Variants in ZNF250 observed in about 807,000 individuals in gnomAD.
The protein encoded by ZNF250 is zinc finger protein (clone 647).
Under a neutral mutation model 37.1 loss-of-function variants are expected in ZNF250, and 13 were observed. The ratio of observed to expected loss-of-function variants is 0.35; its 90% confidence interval spans 0.23 to 0.56. ZNF250 has a LOEUF of 0.56. Ranked by LOEUF, ZNF250 falls within the 20% of genes least tolerant of loss-of-function variation. The probability of loss-of-function intolerance (pLI) is 0.87; values close to 1 mark genes in which losing one functional copy is unlikely to be tolerated. For synonymous variants in ZNF250, 251 were observed against 265.6 expected (o/e 0.94, Z 0.54); for missense variants, 474 against 697.9 (o/e 0.68, Z 3.61).
chr8:144,892,862 A>ATT (rs34744587), intron 1 of ZNF250, among the ~76,000 whole-genome samples: 37,140 of 135,064 alleles, frequency 0.27, 6,033 homozygotes, highest in South Asian at 0.44. Flanking sequence ...CCAGCCACCA[A>ATT]TTTTTTTTTT....
At position 144,901,104 on chromosome 8, in the gene ZNF250, G is replaced by A. The variant is rs1305910183; in HGVS notation, c.-55+295C>T. Among the ~76,000 whole-genome samples, 1 of 152,114 alleles carries A rather than the reference G, an allele frequency of 6.6e-6. No individual in the cohort carries two copies. Among genetic ancestry groups the A allele is most frequent in the African/African-American group, 2.4e-5 (1 of 41,434 alleles). Reference sequence around the variant, plus strand: ...ACGCCGGTCTGACGGGGCCCAAGGGGGTAGGGGCGGGGAAGGGACCGAGGC... The same window carrying A: ...ACGCCGGTCTGACGGGGCCCAAGGGAGTAGGGGCGGGGAAGGGACCGAGGC... On this transcript the variant is annotated intron_variant, in intron 1 of 5. Coordinates refer to ENST00000417550, the MANE Select transcript of ZNF250 (RefSeq NM_001109689.4). The surrounding 1 kb of genome is among the most constrained non-coding windows in gnomAD (Gnocchi z 5.4).
rs753212619 is a variant in ZNF250 at position 144,890,092 on chromosome 8, A to G, written c.43-33T>C. 1 of 1,604,284 alleles carries G rather than the reference A, an allele frequency of 6.2e-7. No homozygotes were observed. Among genetic ancestry groups the G allele is most frequent in the Non-Finnish European group, 8.5e-7 (1 of 1,175,390 alleles). On this transcript the variant is annotated intron_variant, in intron 2 of 5. Transcript: ENST00000417550. The surrounding 1 kb of genome is among the most constrained non-coding windows in gnomAD (Gnocchi z 5.1). ...GACAGGGGCTGCTGCAGGTAAAACC[A>G]AATCCTGATGTCTGTGATGGGGAGT...
chr8:144,893,804 T>G (rs148323985), intron 1 of ZNF250, among the ~76,000 whole-genome samples: 50 of 152,314 alleles, frequency 3.3e-4, no homozygotes, highest in African/African-American at 1.1e-3. Flanking sequence ...CCAGTTCTCT[T>G]GACACAGGAG....
chr8:144,896,965 T>G (rs980652606), intron 1 of ZNF250, among the ~76,000 whole-genome samples: 1 of 152,186 alleles, frequency 6.6e-6, no homozygotes, highest in Non-Finnish European at 1.5e-5. Flanking sequence ...ATCTTGAAAA[T>G]TTCCCTAAGG....
In ZNF250 at chr8:144,890,322, G is replaced by T; in HGVS notation, c.28C>A (p.Pro10Thr). MAAARLLPV[P>T]AGPQAKLTFE... ...GGACAGCTTACCTGGGGTCCTGCCG[G>T]CACTGGCAGGAGTCTGGCTGCTGCC... Residue 10 changes from proline (P) to threonine (T), a missense_variant, in exon 2 of 6, where the codon CCG (proline) becomes ACG (threonine). This residue lies in a region of ZNF250 where 192 missense variants were observed against 227.5 expected (regional missense o/e 0.84). Coordinates refer to ENST00000417550, the MANE Select transcript of ZNF250 (RefSeq NM_001109689.4). The surrounding 1 kb of genome is among the most constrained non-coding windows in gnomAD (Gnocchi z 5.1). 6.6e-7 allele frequency: 1 copy of T among 1,513,150 alleles called. No individual in the cohort carries two copies. The highest frequency in any genetic ancestry group is 1.3e-5 in the South Asian group (1 of 75,748). The allele number at this position is 1,513,150 out of a possible 1,614,324, so 93.7% of individuals were successfully genotyped here.
At chr8:144,884,973 A>G (rs1352998800) in intron 5 of ZNF250, among the ~76,000 whole-genome samples, 1 of 152,150 alleles carries the variant, frequency 6.6e-6, no homozygotes, top group Non-Finnish European at 1.5e-5. Flanking sequence ...TTCCTAATCT[A>G]TGCAGAAATT....
rs1781580437 is a variant in ZNF250, at chr8:144,890,904, T to C, written c.-54-501A>G. Among the ~76,000 whole-genome samples the C allele has an allele frequency of 6.6e-6, 1 of 152,138 alleles. No individual in the cohort carries two copies. Among genetic ancestry groups the C allele is most frequent in the Non-Finnish European group, 1.5e-5 (1 of 68,026 alleles). On this transcript the variant is annotated intron_variant, in intron 1 of 5. Transcript: ENST00000417550. This position sits in a 1 kb window ranked among gnomAD's most constrained non-coding sequence, Gnocchi z 5.1. ...CCCTCACCCCACCCTTAGGCAGCCCTAGTGCCCCAATGTGGCACCAGGTTC... is the reference window on the plus strand; with the variant it reads ...CCCTCACCCCACCCTTAGGCAGCCCCAGTGCCCCAATGTGGCACCAGGTTC...
At chr8:144,883,340 T>A (rs1159507544) in intron 5 of ZNF250, among the ~76,000 whole-genome samples, 2 of 150,990 alleles carry the variant, frequency 1.3e-5, no homozygotes, top group Non-Finnish European at 2.9e-5. Flanking sequence ...GGAAAATAAT[T>A]TCTTTTTTTT....
Position 144,890,211 on chromosome 8 carries a change from T to TC in ZNF250, c.42+96_42+97insG. The TC allele has an allele frequency of 6.7e-7, 1 of 1,493,492 alleles. No individual in the cohort carries two copies. Among genetic ancestry groups the TC allele is most frequent in the South Asian group, 1.2e-5 (1 of 83,016 alleles). 92.5% of individuals were successfully genotyped at this position (1,493,492 alleles called of 1,614,324 possible). On this transcript the variant is annotated intron_variant, in intron 2 of 5. Coordinates refer to ENST00000417550, the MANE Select transcript of ZNF250 (RefSeq NM_001109689.4). This position sits in a 1 kb window ranked among gnomAD's most constrained non-coding sequence, Gnocchi z 5.1. ...AAGGGGCCGCGGAGTTCAGGGCATGTGGTGACGCTCTGGCTGCTCTTAGGA... is the reference window on the plus strand; with the variant it reads ...AAGGGGCCGCGGAGTTCAGGGCATGTCGGTGACGCTCTGGCTGCTCTTAGGA...
Position 144,901,274 on chromosome 8 carries a change from C to G in ZNF250, c.-55+125G>C, listed in dbSNP as rs1213502980. The G allele has an allele frequency of 6.6e-6, 1 of 152,320 alleles. No homozygotes were observed. The highest frequency in any genetic ancestry group is 1.5e-5 in the Non-Finnish European group (1 of 68,180). 9.4% of individuals were successfully genotyped at this position (152,320 alleles called of 1,614,324 possible). A position where few individuals can be genotyped will look rare whatever the true frequency, so the allele number is the denominator to read the frequency against. ...CGCGTCCGTGAGGGGAGGGGACCAGCGTAAACGCAGGAGGCAGTGCGTGCT... is the reference window on the plus strand; with the variant it reads ...CGCGTCCGTGAGGGGAGGGGACCAGGGTAAACGCAGGAGGCAGTGCGTGCT... On this transcript the variant is annotated intron_variant, in intron 1 of 5. Coordinates refer to ENST00000417550, the MANE Select transcript of ZNF250 (RefSeq NM_001109689.4). The surrounding 1 kb of genome is among the most constrained non-coding windows in gnomAD (Gnocchi z 5.4).
chr8:144,894,781 C>T (rs961030396), intron 1 of ZNF250, among the ~76,000 whole-genome samples: 1 of 151,942 alleles, frequency 6.6e-6, no homozygotes, highest in African/African-American at 2.4e-5. Context: ...CTTCAGCATC[C>T]CAAGTAGCTA....
rs567361403 is a variant in ZNF250 at position 144,888,096 on chromosome 8, G to A, written c.284-1194C>T. Reference sequence around the variant, plus strand: ...CCTAAGACTCAGACGTCACCTTACTGAAGTCAGAGGTTCTTTGCCTTAAGC... The same window carrying A: ...CCTAAGACTCAGACGTCACCTTACTAAAGTCAGAGGTTCTTTGCCTTAAGC... On this transcript the variant is annotated intron_variant, in intron 4 of 5. Coordinates refer to ENST00000417550, the MANE Select transcript of ZNF250 (RefSeq NM_001109689.4). 5.3e-5 allele frequency among the ~76,000 whole-genome samples: 8 copies of A among 152,304 alleles called. No homozygotes were observed. In the East Asian group the frequency reaches 1.5e-3, roughly 29 times the overall value.
At position 144,880,666 on chromosome 8, in the gene ZNF250, C is replaced by T. The variant is rs751717600; in HGVS notation, c.*849G>A. ...ATCACTTGAGGCCAGGAGTTCGAGACCAGCCTGGCCAACACGGTGAAACTC... is the reference window on the plus strand; with the variant it reads ...ATCACTTGAGGCCAGGAGTTCGAGATCAGCCTGGCCAACACGGTGAAACTC... On this transcript the variant is annotated 3_prime_UTR_variant, in exon 6 of 6. Coordinates refer to ENST00000417550, the MANE Select transcript of ZNF250 (RefSeq NM_001109689.4). 4 of 347,910 alleles carry T rather than the reference C, an allele frequency of 1.1e-5. No homozygotes were observed. The highest frequency in any genetic ancestry group is 3.6e-5 in the Admixed American group (1 of 27,572). The allele number at this position is 347,910 out of a possible 1,614,324, so 21.6% of individuals were successfully genotyped here.
chr8:144,883,551 A>T (rs966014539), intron 5 of ZNF250, among the ~76,000 whole-genome samples: 3 of 151,974 alleles, frequency 2.0e-5, no homozygotes, highest in African/African-American at 7.3e-5. Context: ...TGTCGGCCAG[A>T]CTGGTCTTGA....
At chr8:144,886,394 G>A (rs1217205537) in intron 5 of ZNF250, among the ~76,000 whole-genome samples, 1 of 152,152 alleles carries the variant, frequency 6.6e-6, no homozygotes, top group African/African-American at 2.4e-5. Context: ...TCCATGGCAC[G>A]AAAGCATCAT....
intron 1 of ZNF250, among the ~76,000 whole-genome samples, chr8:144,892,448 G>C (rs1199052602): frequency 6.6e-6 from 1 of 152,186 alleles, no homozygotes; most frequent in East Asian, 1.9e-4. Flanking sequence ...AGGTATGTGG[G>C]AAATTGGAAG....
At chr8:144,883,207 C>T (rs1831622793) in intron 5 of ZNF250, among the ~76,000 whole-genome samples, 1 of 152,160 alleles carries the variant, frequency 6.6e-6, no homozygotes, top group Non-Finnish European at 1.5e-5. Context: ...CCTTGTGGGG[C>T]AGACAGCAGC....
intron 5 of ZNF250, among the ~76,000 whole-genome samples, chr8:144,884,114 G>C (rs892402248): frequency 3.3e-5 from 5 of 152,186 alleles, no homozygotes; most frequent in Non-Finnish European, 7.3e-5. Context: ...ATGGAGCACA[G>C]TCTTCTGGAA....
intron 5 of ZNF250, among the ~76,000 whole-genome samples, chr8:144,884,053 T>A (rs1292174095): frequency 3.9e-5 from 6 of 152,134 alleles, no homozygotes; most frequent in Non-Finnish European, 5.9e-5. Flanking sequence ...CTAAACATTA[T>A]TATATTTTAT....
Sources: allele counts gnomAD v4.1 joint callset (sites outside exome capture counted in the v4.1 genomes callset), GRCh38; gene constraint gnomAD v4.1.1; regional missense constraint gnomAD v4.1.1; non-coding constraint Gnocchi (gnomAD v3.1); transcripts MANE v1.5; gene names NCBI Gene and HGNC (gene_info 2026-07-23, HGNC 2026-07-21).